Variants in CADM2 observed in about 807,000 individuals in gnomAD.
The protein encoded by CADM2 is cell adhesion molecule 2, also known as immunoglobulin superfamily member 4D.
CADM2 carries 12 observed loss-of-function variants against 49.8 expected under a neutral mutation model. That is an observed-to-expected ratio of 0.24 (90% CI 0.15 to 0.39). The LOEUF is 0.39. CADM2 is among the 10% of genes least tolerant of loss of function. The pLI, the probability that CADM2 is intolerant of heterozygous loss-of-function variation, is 1.00. For synonymous variants in CADM2, 214 were observed against 175.4 expected (o/e 1.22, Z -1.74); for missense variants, 378 against 492.3 (o/e 0.77, Z 2.20).
intron 1 of CADM2, among the ~76,000 whole-genome samples, chr3:85,538,387 C>T (rs62252513): frequency 0.51 from 77,876 of 151,878 alleles, 23,046 homozygotes; most frequent in East Asian, 0.85. Flanking sequence ...TACCAAGGCT[C>T]CTTGGAGAAG....
intron 1 of CADM2, among the ~76,000 whole-genome samples, chr3:85,133,195 G>T (rs1343741041): frequency 1.3e-5 from 2 of 152,186 alleles, no homozygotes; most frequent in East Asian, 3.9e-4. Context: ...GCAAGATTTA[G>T]TGCAAAGAGT....
intron 1 of CADM2, among the ~76,000 whole-genome samples, chr3:85,676,423 T>G (rs192833591): frequency 2.6e-5 from 4 of 152,322 alleles, no homozygotes; most frequent in Non-Finnish European, 5.9e-5. Flanking sequence ...ATTTAAAGTG[T>G]AATCCTATTT....
At chr3:85,153,308 C>T (rs531478333) in intron 1 of CADM2, among the ~76,000 whole-genome samples, 1 of 152,286 alleles carries the variant, frequency 6.6e-6, no homozygotes, top group East Asian at 1.9e-4. Flanking sequence ...CTTTCCTAGT[C>T]AAAGAAAGGG....
chr3:85,398,013 T>C (rs2034881578), intron 1 of CADM2, among the ~76,000 whole-genome samples: 1 of 152,102 alleles, frequency 6.6e-6, no homozygotes, highest in Non-Finnish European at 1.5e-5. Flanking sequence ...TTTTCTTTTT[T>C]TTTTAATTAT....
chr3:85,034,892 T>C (rs1247063712), intron 1 of CADM2, among the ~76,000 whole-genome samples: 6 of 140,526 alleles, frequency 4.3e-5, no homozygotes, highest in African/African-American at 1.6e-4. Flanking sequence ...AACCTCCACC[T>C]CCTGGGTTCA....
chr3:85,953,196 T>C (rs1490475290), intron 7 of CADM2, among the ~76,000 whole-genome samples: 2 of 151,014 alleles, frequency 1.3e-5, no homozygotes, highest in African/African-American at 2.4e-5. Flanking sequence ...TTTCGTCCTA[T>C]AGACTTTCTC....
chr3:85,448,875 C>G (rs1193168249), intron 1 of CADM2, among the ~76,000 whole-genome samples: 1 of 151,490 alleles, frequency 6.6e-6, no homozygotes, highest in African/African-American at 2.4e-5. Context: ...ACGGTGAAAC[C>G]CCGCCTCTAC....
At position 85,240,371 on chromosome 3, in the gene CADM2, T is replaced by C. The variant is rs2042504131; in HGVS notation, c.61+280703T>C. 4.0e-5 allele frequency among the ~76,000 whole-genome samples: 6 copies of C among 151,670 alleles called. No homozygotes were observed. In the South Asian group the frequency reaches 1.2e-3, roughly 31 times the overall value. ...TTATGAAAATTATTTTTAAAGGTCATAGATATTACTTTAAGAAAATGAATG... is the reference window on the plus strand; with the variant it reads ...TTATGAAAATTATTTTTAAAGGTCACAGATATTACTTTAAGAAAATGAATG... On this transcript the variant is annotated intron_variant, in intron 1 of 9. Coordinates refer to ENST00000383699, the MANE Select transcript of CADM2 (RefSeq NM_001167675.2).
intron 1 of CADM2, among the ~76,000 whole-genome samples, chr3:85,514,205 G>A (rs1354411488): frequency 5.9e-5 from 9 of 151,812 alleles, no homozygotes; most frequent in Admixed American, 3.3e-4. Context: ...TTCTATGTTC[G>A]TCATTGTATT....
chr3:84,963,109 T>C lies in CADM2; in HGVS notation c.61+3441T>C, dbSNP rs143785191. Reference sequence around the variant, plus strand: ...TGGCTAAACATTTGTTTGGCCAAAGTATAACTTGGAATGTAGGCTACTTAA... The same window carrying C: ...TGGCTAAACATTTGTTTGGCCAAAGCATAACTTGGAATGTAGGCTACTTAA... On this transcript the variant is annotated intron_variant, in intron 1 of 9. Transcript: ENST00000383699. Among the ~76,000 whole-genome samples, 210 of 152,308 alleles carry C rather than the reference T, an allele frequency of 1.4e-3. 1 individual carries two copies. Among genetic ancestry groups the C allele is most frequent in the African/African-American group, 4.8e-3 (198 of 41,574 alleles).
At chr3:85,878,556 G>T (rs11127911) in intron 3 of CADM2, among the ~76,000 whole-genome samples, 98,469 of 151,822 alleles carry the variant, frequency 0.65, 32,524 homozygotes, top group African/African-American at 0.77. Context: ...AGATGTATTT[G>T]AAGTCACATT....
intron 1 of CADM2, among the ~76,000 whole-genome samples, chr3:85,344,039 G>A (rs1170557822): frequency 6.6e-6 from 1 of 152,110 alleles, no homozygotes; most frequent in Non-Finnish European, 1.5e-5. Flanking sequence ...TTACATAACA[G>A]TAAAAGAAAA....
chr3:85,426,977 T>C (rs1314914976), intron 1 of CADM2, among the ~76,000 whole-genome samples: 1 of 151,710 alleles, frequency 6.6e-6, no homozygotes, highest in African/African-American at 2.4e-5. Flanking sequence ...ACCTCCTGAG[T>C]TCACACCTGT....
intron 1 of CADM2, among the ~76,000 whole-genome samples, chr3:85,480,241 T>A (rs1312308560): frequency 6.6e-6 from 1 of 151,918 alleles, no homozygotes; most frequent in Admixed American, 6.6e-5. Flanking sequence ...TGTTCATTAC[T>A]CCATTATAAA....
At chr3:85,271,715 A>G (rs2043247537) in intron 1 of CADM2, among the ~76,000 whole-genome samples, 3 of 151,246 alleles carry the variant, frequency 2.0e-5, no homozygotes, top group African/African-American at 7.2e-5. Flanking sequence ...CTTAAATTAA[A>G]AAAAAATAAG....
chr3:85,146,642 A>C (rs182497706), intron 1 of CADM2, among the ~76,000 whole-genome samples: 3 of 152,210 alleles, frequency 2.0e-5, no homozygotes, highest in African/African-American at 7.2e-5. Flanking sequence ...CTTTCAAATA[A>C]ACTATATAAA....
intron 1 of CADM2, among the ~76,000 whole-genome samples, chr3:85,360,279 T>C (rs1215797631): frequency 6.6e-6 from 1 of 152,146 alleles, no homozygotes; most frequent in African/African-American, 2.4e-5. Context: ...ACATCTACTA[T>C]TGTTAGCTAA....
At chr3:85,152,084 T>C (rs1425210918) in intron 1 of CADM2, among the ~76,000 whole-genome samples, 1 of 152,190 alleles carries the variant, frequency 6.6e-6, no homozygotes, top group Admixed American at 6.5e-5. Context: ...TTCTGTCTCA[T>C]TTCTTATTTT....
rs570914195 is a variant in CADM2 at position 85,763,095 on chromosome 3, A to G, written c.88+36547A>G. On this transcript the variant is annotated intron_variant, in intron 2 of 9. Coordinates refer to ENST00000383699, the MANE Select transcript of CADM2 (RefSeq NM_001167675.2). ...AAGACAATGAGTTCCTTAAAGGAAG[A>G]AGTGCTTTTTAAAATTTCCCACTTG... Among the ~76,000 whole-genome samples, 6 of 152,304 alleles carry G rather than the reference A, an allele frequency of 3.9e-5. No individual in the cohort carries two copies. In the East Asian group the frequency reaches 1.2e-3, roughly 29 times the overall value.
Sources: gnomAD v4.1 joint callset for allele counts (sites outside exome capture counted in the v4.1 genomes callset) on GRCh38, gnomAD v4.1.1 for gene constraint, MANE v1.5 for transcripts, NCBI Gene and HGNC (gene_info 2026-07-23, HGNC 2026-07-21) for gene names.